ATXN1: variants seen among roughly 807,000 people sequenced by gnomAD.
ATXN1 encodes ataxin 1, also known as ataxin-1.
ATXN1 carries 8 observed loss-of-function variants against 56.4 expected under a neutral mutation model. The ratio of observed to expected loss-of-function variants is 0.14; its 90% confidence interval spans 0.08 to 0.26. ATXN1 has a LOEUF of 0.26. ATXN1 is among the 10% of genes least tolerant of loss of function. The pLI is 1.00. For synonymous variants in ATXN1, 514 were observed against 494.6 expected, an observed-to-expected ratio of 1.04 and a Z score of -0.52; for missense variants, 987 against 1,106.5, an observed-to-expected ratio of 0.89 and a Z score of 1.53.
chr6:16,673,026 AAAAAAAAAAAG>A (rs985479866), intron 2 of ATXN1, among the ~76,000 whole-genome samples: 2 of 151,258 alleles, frequency 1.3e-5, no homozygotes, highest in African/African-American at 2.4e-5. Flanking sequence ...CCGCCAAAAA[AAAAAAAAAAAG>A]AAAAGAAAAG....
At chr6:16,405,836 C>T (rs1441577473) in intron 6 of ATXN1, among the ~76,000 whole-genome samples, 1 of 152,066 alleles carries the variant, frequency 6.6e-6, no homozygotes, top group African/African-American at 2.4e-5. Context: ...CAGCTGAAGA[C>T]ATTAAATTTA....
chr6:16,499,923 G>A (rs1760851638), intron 5 of ATXN1, among the ~76,000 whole-genome samples: 1 of 152,246 alleles, frequency 6.6e-6, no homozygotes, highest in South Asian at 2.1e-4. Flanking sequence ...AAGTACTAAT[G>A]TCTGGGTTCC....
intron 6 of ATXN1, among the ~76,000 whole-genome samples, chr6:16,473,886 C>T (rs1760271340): frequency 6.6e-6 from 1 of 152,178 alleles, no homozygotes; most frequent in African/African-American, 2.4e-5. Context: ...TGGGTCATCT[C>T]TTTGGAAACT....
At chr6:16,358,858 G>A (rs1041670051) in intron 6 of ATXN1, among the ~76,000 whole-genome samples, 2 of 152,224 alleles carry the variant, frequency 1.3e-5, no homozygotes, top group East Asian at 3.9e-4. Flanking sequence ...AGCTGCAGCT[G>A]CCGCACCCAC....
intron 2 of ATXN1, among the ~76,000 whole-genome samples, chr6:16,705,509 A>G (rs533709900): frequency 2.0e-5 from 3 of 152,310 alleles, no homozygotes; most frequent in African/African-American, 7.2e-5. Context: ...TTCCCCAATC[A>G]CAGTGAGTGG....
At chr6:16,624,443 C>T (rs2113804125) in intron 3 of ATXN1, among the ~76,000 whole-genome samples, 1 of 151,486 alleles carries the variant, frequency 6.6e-6, no homozygotes, top group East Asian at 1.9e-4. Flanking sequence ...TGAATGTACA[C>T]TTGATGGTGA....
intron 6 of ATXN1, among the ~76,000 whole-genome samples, chr6:16,337,152 G>C (rs1410100915): frequency 1.3e-5 from 2 of 152,208 alleles, no homozygotes; most frequent in Admixed American, 1.3e-4. Context: ...CCTAAGTGGG[G>C]CTGAGTGATT....
chr6:16,375,781 A>C (rs893786053), intron 6 of ATXN1, among the ~76,000 whole-genome samples: 1 of 152,254 alleles, frequency 6.6e-6, no homozygotes, highest in African/African-American at 2.4e-5. Flanking sequence ...AAATAGTCCA[A>C]GCTATTTGCT....
At chr6:16,689,711 A>G (rs1305044834) in intron 2 of ATXN1, among the ~76,000 whole-genome samples, 2 of 152,054 alleles carry the variant, frequency 1.3e-5, no homozygotes, top group African/African-American at 4.8e-5. Context: ...GATTATATTA[A>G]GCTGATTAAT....
chr6:16,509,998 A>T (rs1351501456), intron 5 of ATXN1, among the ~76,000 whole-genome samples: 1 of 151,904 alleles, frequency 6.6e-6, no homozygotes, highest in African/African-American at 2.4e-5. Context: ...CCCATTCCCA[A>T]ATCACCTTCT....
At chr6:16,735,331 G>A (rs567243181) in intron 2 of ATXN1, among the ~76,000 whole-genome samples, 1 of 152,200 alleles carries the variant, frequency 6.6e-6, no homozygotes, top group African/African-American at 2.4e-5. Flanking sequence ...TCCCTGCATT[G>A]TGGGCTTTTC....
chr6:16,745,142 T>C (rs1057408616), intron 2 of ATXN1, among the ~76,000 whole-genome samples: 2 of 152,286 alleles, frequency 1.3e-5, no homozygotes, highest in East Asian at 1.9e-4. Context: ...GTCCCACAAT[T>C]ATTAAGATTG....
intron 3 of ATXN1, among the ~76,000 whole-genome samples, chr6:16,645,280 G>C (rs571554543): frequency 1.3e-5 from 2 of 152,294 alleles, no homozygotes; most frequent in South Asian, 4.1e-4. Context: ...CAGGATGCTG[G>C]GCTCCTACAA....
intron 6 of ATXN1, among the ~76,000 whole-genome samples, chr6:16,476,071 C>T (rs891937142): frequency 6.6e-6 from 1 of 152,092 alleles, no homozygotes; most frequent in South Asian, 2.1e-4. Context: ...TAAGGTTTCA[C>T]CATGTTGGCC....
intron 2 of ATXN1, among the ~76,000 whole-genome samples, chr6:16,746,947 A>C (rs752032050): frequency 2.0e-5 from 3 of 152,098 alleles, no homozygotes; most frequent in Non-Finnish European, 4.4e-5. Context: ...GAGACAGGAA[A>C]ACTGAGACCC....
At chr6:16,717,328 G>C (rs1759659649) in intron 2 of ATXN1, among the ~76,000 whole-genome samples, 1 of 152,206 alleles carries the variant, frequency 6.6e-6, no homozygotes, top group Non-Finnish European at 1.5e-5. Flanking sequence ...CATGTTCCTG[G>C]TCCCACTAGA....
chr6:16,689,521 C>CTTT (rs11374047), intron 2 of ATXN1, among the ~76,000 whole-genome samples: 7 of 105,208 alleles, frequency 6.7e-5, no homozygotes, highest in Non-Finnish European at 1.3e-4. Context: ...TTTTTTTTTT[C>CTTT]TTTTTTTTTT....
intron 6 of ATXN1, among the ~76,000 whole-genome samples, chr6:16,339,498 C>T (rs982330789): frequency 3.9e-5 from 6 of 152,200 alleles, no homozygotes; most frequent in African/African-American, 1.2e-4. Flanking sequence ...ATGCTCTCAA[C>T]TGCAAAGACC....
intron 5 of ATXN1, among the ~76,000 whole-genome samples, chr6:16,517,630 T>C (rs1761209932): frequency 6.6e-6 from 1 of 152,112 alleles, no homozygotes; most frequent in South Asian, 2.1e-4. Flanking sequence ...GGGTAAAAGA[T>C]ATGTAAACAA....
Sources: gnomAD v4.1 joint callset for allele counts (sites outside exome capture counted in the v4.1 genomes callset) on GRCh38, gnomAD v4.1.1 for gene constraint, MANE v1.5 for transcripts, NCBI Gene and HGNC (gene_info 2026-07-23, HGNC 2026-07-21) for gene names.